Variants in AOX1 observed in about 807,000 individuals in gnomAD.
AOX1 encodes the protein aldehyde oxidase 1, also known as aldehyde oxidase.
In AOX1, 153 loss-of-function variants were observed where a neutral mutation model predicts 169.5. The observed-to-expected ratio is 0.90, with a 90% CI of 0.79 to 1.03. The LOEUF (loss-of-function observed/expected upper bound fraction) is 1.03. Among genes scored for constraint, AOX1 ranks in the 50% least tolerant of loss-of-function variants. AOX1 has a pLI of 0.00. For missense variants in AOX1, 1,656 were observed against 1,663.9 expected (o/e 1.00, Z 0.08); for synonymous variants, 562 against 581.9 (o/e 0.97, Z 0.49).
intron 23 of AOX1, among the ~76,000 whole-genome samples, chr2:200,638,598 A>C (rs1450339371): frequency 6.6e-6 from 1 of 152,198 alleles, no homozygotes; most frequent in Non-Finnish European, 1.5e-5. Flanking sequence ...ATTAAAGTAG[A>C]TCTGATTACC....
chr2:200,674,263 G>A (rs924305055), downstream of AOX1, among the ~76,000 whole-genome samples: 3 of 152,190 alleles, frequency 2.0e-5, no homozygotes, highest in Non-Finnish European at 2.9e-5. Context: ...GATATGCAGT[G>A]TTGGCAGTAT....
At chr2:200,654,603 G>A (rs2035646407) in intron 26 of AOX1, among the ~76,000 whole-genome samples, 1 of 152,194 alleles carries the variant, frequency 6.6e-6, no homozygotes, top group African/African-American at 2.4e-5. Context: ...ACCAACCTCT[G>A]TGTGTCCAAT....
Position 200,612,740 on chromosome 2 carries a change from C to T in AOX1, c.1395C>T (p.Gly465=), listed in dbSNP as rs774911099. 5.0e-5 allele frequency: 81 copies of T among 1,613,782 alleles called. No individual in the cohort carries two copies. The highest frequency in any genetic ancestry group is 6.5e-5 in the Non-Finnish European group (77 of 1,179,942). ...IIRELCISYG[G]VGPATICAKN... The stretch of plus-strand genomic sequence containing the variant: ...GAGAGTTATGCATCTCATATGGAGG[C>T]GTTGGTCCAGCCACCATCTGTGCCA... Residue 465 remains glycine (G), a synonymous_variant, in exon 14 of 35, where the codon GGC becomes GGT. Coordinates refer to ENST00000374700, the MANE Select transcript of AOX1 (RefSeq NM_001159.4).
At chr2:200,590,601 A>G (rs2034149652) in intron 1 of AOX1, among the ~76,000 whole-genome samples, 1 of 152,166 alleles carries the variant, frequency 6.6e-6, no homozygotes, top group African/African-American at 2.4e-5. Flanking sequence ...ACACATTTCA[A>G]ACTGGTGGGA....
chr2:200,638,792 C>A (rs1447805420), intron 23 of AOX1, among the ~76,000 whole-genome samples: 1 of 152,094 alleles, frequency 6.6e-6, no homozygotes, highest in East Asian at 1.9e-4. Context: ...GATTCTTTTG[C>A]TTTATAAGAA....
At chr2:200,623,730 G>A in intron 18 of AOX1, 131 bp from the exon 19 acceptor site, 1 of 1,362,582 alleles carries the variant, frequency 7.3e-7, no homozygotes, top group African/African-American at 1.4e-5. Context: ...GACAGATGTG[G>A]AGGGGTCACA....
chr2:200,680,636 C>T (rs958360273), downstream of AOX1, among the ~76,000 whole-genome samples: 6 of 152,192 alleles, frequency 3.9e-5, no homozygotes, highest in Non-Finnish European at 1.5e-5. Flanking sequence ...ACCTCCGCCT[C>T]CCAGGTTCAA....
chr2:200,681,909 A>G (rs906169608), downstream of AOX1, among the ~76,000 whole-genome samples: 3 of 151,570 alleles, frequency 2.0e-5, no homozygotes, highest in African/African-American at 7.3e-5. Flanking sequence ...AGCCAAAAGA[A>G]GCTGTGACCT....
intron 33 of AOX1, among the ~76,000 whole-genome samples, 177 bp downstream of exon 33, chr2:200,668,980 C>T (rs1482634207): frequency 2.0e-5 from 3 of 152,136 alleles, no homozygotes; most frequent in South Asian, 4.1e-4. Flanking sequence ...TATTCCAAAT[C>T]TTAGAACTTA....
chr2:200,655,230 C>T (rs374637344), intron 26 of AOX1, among the ~76,000 whole-genome samples: 60 of 152,304 alleles, frequency 3.9e-4, no homozygotes, highest in Admixed American at 7.8e-4. Flanking sequence ...TTCCTTAGGA[C>T]GTGATCCTTC....
Position 200,611,401 on chromosome 2 carries a change from C to T in AOX1, c.1171C>T (p.Pro391Ser), listed in dbSNP as rs775654597. The T allele has an allele frequency of 6.2e-7, 1 of 1,613,402 alleles. No individual in the cohort carries two copies. Among genetic ancestry groups the T allele is most frequent in the Non-Finnish European group, 8.5e-7 (1 of 1,179,436 alleles). The change falls in exon 13 of 35, where the codon CCT becomes TCT. Residue 391 changes from proline (P) to serine (S), a missense_variant. Coordinates refer to ENST00000374700, the MANE Select transcript of AOX1 (RefSeq NM_001159.4). ...TTCCACAGAAGGAAAACGACAGATT[C>T]CTTTAAATGAGCAATTCCTCAGCAA... ...LLSKEGKRQI[P>S]LNEQFLSKCP...
chr2:200,598,051 T>C (rs996779814), intron 4 of AOX1, among the ~76,000 whole-genome samples: 1 of 151,364 alleles, frequency 6.6e-6, no homozygotes, highest in Admixed American at 6.6e-5. Flanking sequence ...GAGGCTGCAG[T>C]AAACCATGAT....
chr2:200,619,532 C>T (rs1478866009), intron 16 of AOX1, among the ~76,000 whole-genome samples: 1 of 152,218 alleles, frequency 6.6e-6, no homozygotes, highest in Non-Finnish European at 1.5e-5. Flanking sequence ...GTCTCTTCAC[C>T]TGCTCTCCTT....
intron 13 of AOX1, 65 bp downstream of exon 13, chr2:200,611,558 A>G: frequency 4.8e-6 from 5 of 1,035,852 alleles, no homozygotes; most frequent in Non-Finnish European, 6.1e-6. Context: ...TTATTCCAGT[A>G]TATGGTGGAA....
At chr2:200,651,995 T>C (rs1007612782) in intron 26 of AOX1, among the ~76,000 whole-genome samples, 9 of 152,150 alleles carry the variant, frequency 5.9e-5, no homozygotes, top group Admixed American at 3.9e-4. Flanking sequence ...CTCACAATTG[T>C]CACTCCTCTT....
intron 26 of AOX1, among the ~76,000 whole-genome samples, chr2:200,653,819 T>C (rs1344686931): frequency 6.6e-6 from 1 of 152,240 alleles, no homozygotes; most frequent in African/African-American, 2.4e-5. Flanking sequence ...CTTTGTCACC[T>C]TTTGGTAATT....
At chr2:200,621,676 T>TTCTCTC (rs71405337) in intron 18 of AOX1, among the ~76,000 whole-genome samples, 25,718 of 149,040 alleles carry the variant, frequency 0.17, 2,417 homozygotes, top group Non-Finnish European at 0.21. Context: ...AGTTCATTCA[T>TTCTCTC]TCTCTCTCTC....
At chr2:200,675,920 A>G (rs575501426), downstream of AOX1, among the ~76,000 whole-genome samples, 6 of 149,782 alleles carry the variant, frequency 4.0e-5, no homozygotes, top group South Asian at 1.3e-3. Context: ...AAATACTGCA[A>G]TTACCTTTGC....
At position 200,595,378 on chromosome 2, in the gene AOX1, A is replaced by G; in HGVS notation, c.200+10A>G. 1 of 1,600,210 alleles carries G rather than the reference A, an allele frequency of 6.2e-7. No homozygotes were observed. Among genetic ancestry groups the G allele is most frequent in the South Asian group, 1.1e-5 (1 of 89,400 alleles). On this transcript the variant is annotated intron_variant, in intron 3 of 34. Transcript: ENST00000374700. The stretch of plus-strand genomic sequence containing the variant: ...TCACCAAGAGGATAAGGTACCGTGC[A>G]GCAAAGTCCAGATATGGTTGAATTT...
Sources: allele counts gnomAD v4.1 joint callset (sites outside exome capture counted in the v4.1 genomes callset), GRCh38; gene constraint gnomAD v4.1.1; transcripts MANE v1.5; gene names NCBI Gene and HGNC (gene_info 2026-07-23, HGNC 2026-07-21).